IL3RA: variants seen among roughly 807,000 people sequenced by gnomAD.
IL3RA encodes interleukin-3 receptor subunit alpha.
IL3RA carries 73 observed loss-of-function variants against 52.3 expected under a neutral mutation model. The observed-to-expected ratio is 1.40, with a 90% CI of 1.16 to 1.70. The LOEUF (loss-of-function observed/expected upper bound fraction) is 1.70. IL3RA is among the 40% of genes most tolerant of loss of function. IL3RA has a pLI of 0.00. For synonymous variants in IL3RA, 260 were observed against 194.0 expected (o/e 1.34, Z -2.83); for missense variants, 664 against 504.4 (o/e 1.32, Z -3.03).
In IL3RA at chrX:1,382,650, G is replaced by T; in HGVS notation, c.*185G>T. ...CAGGAAGAAGAACAGAACTTTGTGTGTTTATTTCATGATAAAGTGATTTTT... is the reference window on the plus strand; with the variant it reads ...CAGGAAGAAGAACAGAACTTTGTGTTTTTATTTCATGATAAAGTGATTTTT... On this transcript the variant is annotated 3_prime_UTR_variant, in exon 12 of 12. Coordinates refer to ENST00000331035, the MANE Select transcript of IL3RA (RefSeq NM_002183.4). 2 of 614,256 alleles carry T rather than the reference G, an allele frequency of 3.3e-6. No individual in the cohort carries two copies. The highest frequency in any genetic ancestry group is 5.9e-6 in the Non-Finnish European group (2 of 338,006). 38.1% of individuals were successfully genotyped at this position (614,256 alleles called of 1,614,324 possible).
chrX:1,343,007 G>A (rs1211419679), intron 2 of IL3RA, among the ~76,000 whole-genome samples: 3 of 151,874 alleles, frequency 2.0e-5, no homozygotes, highest in Non-Finnish European at 4.4e-5. Context: ...CCCGGGAGGA[G>A]GAGGTTGCAG....
rs1157159565 is a variant in IL3RA at position 1,356,248 on chromosome X, C to T, written c.644C>T (p.Ala215Val). The stretch of plus-strand genomic sequence containing the variant: ...ATATTAACTCCACCCAACATGACTG[C>T]AAAGTGTAATAAGACACATTCCTTT... ...IEILTPPNMT[A>V]KCNKTHSFMH... is the part of the protein sequence containing the mutation. The change falls in exon 7 of 12, where the codon GCA becomes GTA. Residue 215 changes from alanine (A) to valine (V), a missense_variant. Ala to Val is a moderately conservative substitution (Grantham distance 64). Coordinates refer to ENST00000331035, the MANE Select transcript of IL3RA (RefSeq NM_002183.4). 6.2e-7 allele frequency: 1 copy of T among 1,612,988 alleles called. No homozygotes were observed.
In IL3RA at chrX:1,337,275, A is replaced by G. The variant is rs140806423; in HGVS notation, c.-39+349A>G. Among the ~76,000 whole-genome samples, 804 of 152,322 alleles carry G rather than the reference A, an allele frequency of 5.3e-3. 5 individuals are homozygous for G. The highest frequency in any genetic ancestry group is 6.5e-3 in the Non-Finnish European group (444 of 68,032). On this transcript the variant is annotated intron_variant, in intron 1 of 11. Coordinates refer to ENST00000331035, the MANE Select transcript of IL3RA (RefSeq NM_002183.4). Reference sequence around the variant, plus strand: ...AAAATGTACACACCTACACATGGCTAGAGTTCTCTGTTTATTAGAAAGCGC... The same window carrying G: ...AAAATGTACACACCTACACATGGCTGGAGTTCTCTGTTTATTAGAAAGCGC...
At chrX:1,353,981 C>A (rs1326778286) in intron 6 of IL3RA, among the ~76,000 whole-genome samples, 6 of 139,718 alleles carry the variant, frequency 4.3e-5, no homozygotes, top group Admixed American at 1.4e-4. Flanking sequence ...CCCCCACCCC[C>A]ATCATGGGTC....
At chrX:1,356,401 C>A (rs1170027746) in intron 7 of IL3RA, 65 bp downstream of exon 7, 2 of 925,360 alleles carry the variant, frequency 2.2e-6, no homozygotes, top group Non-Finnish European at 3.4e-6. Flanking sequence ...TGGTAAGTCG[C>A]ACTCTGGGGC....
chrX:1,354,751 A>G (rs2149003540), intron 6 of IL3RA, among the ~76,000 whole-genome samples: 1 of 104,270 alleles, frequency 9.6e-6, no homozygotes, highest in South Asian at 4.3e-4. Flanking sequence ...ATGGGGAGAG[A>G]AGGAGCAGGA....
intron 9 of IL3RA, 47 bp from the exon 10 acceptor site, chrX:1,378,612 C>T (rs1369343414): frequency 6.6e-7 from 1 of 1,525,226 alleles, no homozygotes; most frequent in Non-Finnish European, 9.0e-7. Flanking sequence ...TCCCTGGTCC[C>T]CCCAGGACGG....
intron 6 of IL3RA, among the ~76,000 whole-genome samples, chrX:1,354,689 G>GAGA (rs1251350299): frequency 1.1e-5 from 1 of 93,378 alleles, no homozygotes; most frequent in African/African-American, 4.6e-5. Flanking sequence ...GAAGAAAACA[G>GAGA]GAGGGGGAGG....
At chrX:1,358,149 T>C (rs1243403587) in intron 7 of IL3RA, among the ~76,000 whole-genome samples, 2 of 151,978 alleles carry the variant, frequency 1.3e-5, no homozygotes, top group African/African-American at 4.8e-5. Context: ...CAGACTTCTT[T>C]CTTTCACTGA....
rs1285604668 is a variant in IL3RA at position 1,340,538 on chromosome X, A to C, written c.-38-1190A>C. ...CATTCACACATGCATGCACATAAATATGCACTTCTAGGCACATGCATGCAC... is the reference window on the plus strand; with the variant it reads ...CATTCACACATGCATGCACATAAATCTGCACTTCTAGGCACATGCATGCAC... On this transcript the variant is annotated intron_variant, in intron 1 of 11. Transcript: ENST00000331035. Among the ~76,000 whole-genome samples the C allele has an allele frequency of 9.9e-5, 15 of 152,192 alleles. No homozygotes were observed. In the East Asian group the frequency reaches 2.5e-3, roughly 25 times the overall value.
At chrX:1,351,773 G>A (rs1310981340) in intron 4 of IL3RA, among the ~76,000 whole-genome samples, 1 of 150,430 alleles carries the variant, frequency 6.6e-6, no homozygotes, top group Non-Finnish European at 1.5e-5. Context: ...GGATTACAGC[G>A]GCCCGACATC....
chrX:1,340,176 C>T (rs1453136895), intron 1 of IL3RA, among the ~76,000 whole-genome samples: 9 of 138,880 alleles, frequency 6.5e-5, no homozygotes, highest in Admixed American at 7.1e-5. Flanking sequence ...AGTGCAGTGG[C>T]GCCATCTCGG....
Position 1,347,304 on chromosome X carries a change from C to T in IL3RA, c.184-1127C>T, listed in dbSNP as rs776194173. ...ACTAAAAATATAAAAATTAGCCGGG[C>T]GTGGTGGCTGGTGCCTGTAGTCCCA... On this transcript the variant is annotated intron_variant, in intron 3 of 11. Transcript: ENST00000331035. 6.7e-4 allele frequency among the ~76,000 whole-genome samples: 101 copies of T among 150,912 alleles called. 3 individuals are homozygous for T. The South Asian group carries it at 0.019, about 29-fold the overall frequency.
chrX:1,345,922 T>C (rs1177401993), intron 3 of IL3RA, among the ~76,000 whole-genome samples: 2 of 151,942 alleles, frequency 1.3e-5, no homozygotes, highest in Admixed American at 1.3e-4. Flanking sequence ...TGAAGTGACT[T>C]TGGAGGGTCT....
intron 6 of IL3RA, among the ~76,000 whole-genome samples, chrX:1,355,084 A>AGGG (rs1277504100): frequency 2.8e-5 from 1 of 35,270 alleles, no homozygotes; most frequent in East Asian, 7.7e-4. Flanking sequence ...AGGAAAAAGG[A>AGGG]GGGGCAGGAG....
rs1405388247 is a variant in IL3RA at position 1,348,670 on chromosome X, CTTTCTTTCTT to C, written c.298+127_298+136del. ...TCTTTCTTTCTTTCTTTCTTTCTTT[CTTTCTTTCTT>C]TCTTTCTTTCTTTTTCTTTCTTTCT... On this transcript the variant is annotated intron_variant, in intron 4 of 11. Transcript: ENST00000331035. 37 of 460,312 alleles carry C rather than the reference CTTTCTTTCTT, an allele frequency of 8.0e-5. 1 individual carries two copies. The highest frequency in any genetic ancestry group is 7.2e-4 in the African/African-American group (15 of 20,854). The allele number at this position is 460,312 out of a possible 1,614,324, so 28.5% of individuals were successfully genotyped here. A position where few individuals can be genotyped will look rare whatever the true frequency, so the allele number is the denominator to read the frequency against.
intron 11 of IL3RA, among the ~76,000 whole-genome samples, chrX:1,381,640 G>T (rs760618047): frequency 6.6e-6 from 1 of 151,894 alleles, no homozygotes; most frequent in South Asian, 2.1e-4. Context: ...CCAGTCCAAG[G>T]TTCAAGCGAT....
At chrX:1,364,615 CAT>C (rs2087762842) in intron 8 of IL3RA, among the ~76,000 whole-genome samples, 1 of 151,384 alleles carries the variant, frequency 6.6e-6, no homozygotes, top group Non-Finnish European at 1.5e-5. Flanking sequence ...GGACCAAAGA[CAT>C]GTGTCACCAC....
At position 1,357,529 on chromosome X, in the gene IL3RA, T is replaced by C. The variant is rs1488657060; in HGVS notation, c.732+1193T>C. Among the ~76,000 whole-genome samples the C allele has an allele frequency of 6.6e-5, 10 of 151,270 alleles. No individual in the cohort carries two copies. In the Admixed American group the frequency reaches 6.6e-4, roughly 10 times the overall value. The stretch of plus-strand genomic sequence containing the variant: ...CACCTGCCACCATGCCTGGCTAATT[T>C]TTTTTTGTATTTTTAGTAGAGATGG... On this transcript the variant is annotated intron_variant, in intron 7 of 11. Transcript: ENST00000331035.
Sources: gnomAD v4.1 joint callset for allele counts (sites outside exome capture counted in the v4.1 genomes callset) on GRCh38, gnomAD v4.1.1 for gene constraint, MANE v1.5 for transcripts, NCBI Gene and HGNC (gene_info 2026-07-23, HGNC 2026-07-21) for gene names.